Variants in AFG2A observed in about 807,000 individuals in gnomAD.
The protein encoded by AFG2A is ATPase family gene 2 protein homolog A.
chr4:122,978,217 A>C, the AFG2A span, among the ~76,000 whole-genome samples: 1 of 151,838 alleles, frequency 6.6e-6, no homozygotes, highest in South Asian at 2.1e-4. Flanking sequence ...GGAGACCTGG[A>C]GTGGGTGGCT....
the AFG2A span, among the ~76,000 whole-genome samples, chr4:123,011,470 C>T: frequency 6.6e-6 from 1 of 152,178 alleles, no homozygotes; most frequent in South Asian, 2.1e-4. Flanking sequence ...ATATTGGTTT[C>T]ACTCGCGTCC....
chr4:123,184,532 CTTTTTTTTTTT>C, the AFG2A span, among the ~76,000 whole-genome samples: 2 of 89,280 alleles, frequency 2.2e-5, no homozygotes, highest in African/African-American at 9.0e-5. Flanking sequence ...ATGATCATTT[CTTTTTTTTTTT>C]TTTTTTTTTT....
the AFG2A span, among the ~76,000 whole-genome samples, chr4:123,241,462 G>C: frequency 8.6e-3 from 1,306 of 151,386 alleles, 24 homozygotes; most frequent in African/African-American, 0.03. Context: ...TCCCTGGGAT[G>C]CAAGGCTGTT....
chr4:123,067,544 A>T, the AFG2A span, among the ~76,000 whole-genome samples: 293 of 152,226 alleles, frequency 1.9e-3, no homozygotes, highest in Non-Finnish European at 3.6e-3. Flanking sequence ...AGAGAAAAGA[A>T]AATGAACAAA....
chr4:123,287,219 A>G, the AFG2A span, among the ~76,000 whole-genome samples: 54 of 152,328 alleles, frequency 3.5e-4, no homozygotes, highest in Admixed American at 3.5e-3. Flanking sequence ...TTTATTTAAC[A>G]TTCCACTTAG....
the AFG2A span, among the ~76,000 whole-genome samples, chr4:123,164,681 T>C: frequency 6.6e-6 from 1 of 152,244 alleles, no homozygotes; most frequent in Non-Finnish European, 1.5e-5. Context: ...CTAATTGAAG[T>C]CTCTATGCCA....
At chr4:122,962,913 T>C in the AFG2A span, among the ~76,000 whole-genome samples, 1 of 152,364 alleles carries the variant, frequency 6.6e-6, no homozygotes, top group South Asian at 2.1e-4. Context: ...CTGTTTCTTT[T>C]TCACCTCTCA....
the AFG2A span, among the ~76,000 whole-genome samples, chr4:122,948,412 AC>A: frequency 6.6e-6 from 1 of 151,292 alleles, no homozygotes; most frequent in Non-Finnish European, 1.5e-5. Context: ...ACACACACAC[AC>A]ACACACACAC....
chr4:123,079,407 T>C, the AFG2A span, among the ~76,000 whole-genome samples: 3 of 152,158 alleles, frequency 2.0e-5, no homozygotes, highest in Non-Finnish European at 4.4e-5. Context: ...GATCTGACAT[T>C]ATTTGGATGT....
At chr4:123,168,848 A>G in the AFG2A span, among the ~76,000 whole-genome samples, 9 of 152,196 alleles carry the variant, frequency 5.9e-5, no homozygotes, top group African/African-American at 9.6e-5. Context: ...TCTTTATATG[A>G]GTAGTTAGAA....
At chr4:123,264,401 C>T in the AFG2A span, among the ~76,000 whole-genome samples, 1 of 152,116 alleles carries the variant, frequency 6.6e-6, no homozygotes, top group South Asian at 2.1e-4. Context: ...TTTGTGCAAA[C>T]TTTAACCTGC....
the AFG2A span, among the ~76,000 whole-genome samples, chr4:123,240,781 A>G: frequency 3.1e-4 from 44 of 143,144 alleles, no homozygotes; most frequent in South Asian, 8.7e-3. Context: ...AACTAAGATC[A>G]GAGCAGAACT....
At chr4:122,952,560 T>A in the AFG2A span, among the ~76,000 whole-genome samples, 1 of 152,244 alleles carries the variant, frequency 6.6e-6, no homozygotes, top group South Asian at 2.1e-4. Flanking sequence ...AGTATTTGGC[T>A]GATAAGCCTG....
At chr4:123,182,404 CCTTT>C in the AFG2A span, among the ~76,000 whole-genome samples, 1 of 152,084 alleles carries the variant, frequency 6.6e-6, no homozygotes, top group African/African-American at 2.4e-5. Context: ...TTATATTGTT[CCTTT>C]CTAACTAACC....
chr4:122,947,337 T>A, the AFG2A span: 1 of 1,614,076 alleles, frequency 6.2e-7, no homozygotes, highest in Non-Finnish European at 8.5e-7. Context: ...AGATTGAGAT[T>A]GGAGTTCCCA....
the AFG2A span, among the ~76,000 whole-genome samples, chr4:123,131,508 TC>T: frequency 6.6e-5 from 10 of 152,128 alleles, no homozygotes; most frequent in Middle Eastern, 3.4e-3. Flanking sequence ...CATTACCTCC[TC>T]CCCCCAGTCC....
chr4:123,223,813 C>T, the AFG2A span, among the ~76,000 whole-genome samples: 6 of 152,298 alleles, frequency 3.9e-5, no homozygotes, highest in African/African-American at 1.4e-4. Context: ...ATTTTGGAGA[C>T]TAACCCCTAA....
chr4:123,105,495 C>T, the AFG2A span, among the ~76,000 whole-genome samples: 9 of 152,080 alleles, frequency 5.9e-5, no homozygotes, highest in Admixed American at 2.6e-4. Flanking sequence ...ATAAGAAATA[C>T]GTTTCTTAAG....
the AFG2A span, among the ~76,000 whole-genome samples, chr4:122,943,496 C>T: frequency 2.1e-4 from 32 of 151,930 alleles, no homozygotes; most frequent in Non-Finnish European, 1.9e-4. Flanking sequence ...TGGTAGATCT[C>T]CCTCCATCCT....
Sources: allele counts gnomAD v4.1 joint callset (sites outside exome capture counted in the v4.1 genomes callset), GRCh38; gene constraint gnomAD v4.1.1; transcripts MANE v1.5; gene names NCBI Gene and HGNC (gene_info 2026-07-23, HGNC 2026-07-21).